The following PDE3A variants were observed in gnomAD, a reference collection of about 807,000 sequenced individuals.
PDE3A encodes cGMP-inhibited 3',5'-cyclic phosphodiesterase 3A.
In PDE3A, 43 loss-of-function variants were observed where a neutral mutation model predicts 98.3. The ratio of observed to expected loss-of-function variants is 0.44; its 90% CI spans 0.34 to 0.56. The LOEUF is 0.56. PDE3A is among the 20% of genes least tolerant of loss of function. PDE3A has a pLI of 0.01. For missense variants in PDE3A, 1,427 were observed against 1,440.7 expected (o/e 0.99, Z 0.15); for synonymous variants, 663 against 567.9 (o/e 1.17, Z -2.38).
chr12:20,450,627 G>A (rs769958829), intron 1 of PDE3A, among the ~76,000 whole-genome samples: 3 of 152,184 alleles, frequency 2.0e-5, no homozygotes, highest in Non-Finnish European at 4.4e-5. Context: ...TTTAACATTT[G>A]AGAGAATGCT....
At chr12:20,426,987 G>T (rs994029337) in intron 1 of PDE3A, among the ~76,000 whole-genome samples, 1 of 152,150 alleles carries the variant, frequency 6.6e-6, no homozygotes, top group South Asian at 2.1e-4. Flanking sequence ...TCTAAGAAAG[G>T]AGCTAAAAGT....
chr12:20,381,026 C>G (rs1401470977), intron 1 of PDE3A, among the ~76,000 whole-genome samples: 1 of 151,698 alleles, frequency 6.6e-6, no homozygotes, highest in African/African-American at 2.4e-5. Flanking sequence ...TTGTTTTTTG[C>G]TAGGTAAGTA....
At chr12:20,445,303 G>A (rs886359517) in intron 1 of PDE3A, among the ~76,000 whole-genome samples, 1 of 152,032 alleles carries the variant, frequency 6.6e-6, no homozygotes, top group African/African-American at 2.4e-5. Context: ...CACATCTTAA[G>A]GGAAATGAAC....
In PDE3A at chr12:20,648,889, A is replaced by G; in HGVS notation, c.2767A>G (p.Lys923Glu). The G allele has an allele frequency of 6.3e-7, 1 of 1,595,960 alleles. No individual in the cohort carries two copies. The highest frequency in any genetic ancestry group is 8.6e-7 in the Non-Finnish European group (1 of 1,163,948). Residue 923 changes from lysine to glutamate, a missense_variant and splice_region_variant, in exon 13 of 16, where the codon AAG becomes GAG. Physicochemically the swap from Lys to Glu is moderately conservative, Grantham distance 56. Transcript: ENST00000359062. ...TGACTTCGTAGCCAAATTTAATGGCAAGGTAAATAGAGCTGTACCCAGTTT... is the reference window on the plus strand; with the variant it reads ...TGACTTCGTAGCCAAATTTAATGGCGAGGTAAATAGAGCTGTACCCAGTTT... ...HFDFVAKFNG[K>E]VNDDVGIDWT... is the part of the protein sequence containing the mutation.
At chr12:20,561,080 G>A (rs1442412279) in intron 2 of PDE3A, among the ~76,000 whole-genome samples, 1 of 128,912 alleles carries the variant, frequency 7.8e-6, no homozygotes, top group Non-Finnish European at 1.6e-5. Context: ...GACCAAGATG[G>A]TGAAACCCCA....
intron 1 of PDE3A, among the ~76,000 whole-genome samples, chr12:20,404,089 CT>C (rs1340348559): frequency 6.6e-6 from 1 of 152,004 alleles, no homozygotes; most frequent in Non-Finnish European, 1.5e-5. Context: ...AAAAAGAATA[CT>C]TTAAAAGAAA....
intron 1 of PDE3A, among the ~76,000 whole-genome samples, chr12:20,434,830 A>T (rs1944754408): frequency 6.6e-6 from 1 of 152,200 alleles, no homozygotes; most frequent in African/African-American, 2.4e-5. Context: ...CATTGGGATC[A>T]TATTTTTTCA....
chr12:20,448,045 C>T (rs911630538), intron 1 of PDE3A, among the ~76,000 whole-genome samples: 6 of 152,154 alleles, frequency 3.9e-5, no homozygotes, highest in South Asian at 4.2e-4. Flanking sequence ...GATTTGTATT[C>T]GGAGAGATTG....
chr12:20,386,070 A>ATATATATAAAATATATAT (rs1287357306), intron 1 of PDE3A, among the ~76,000 whole-genome samples: 1 of 37,146 alleles, frequency 2.7e-5, no homozygotes, highest in Non-Finnish European at 4.7e-5. Flanking sequence ...AAATATATAT[A>ATATATATAAAATATATAT]AAATATATAT....
chr12:20,482,148 G>C (rs1945642076), intron 1 of PDE3A, among the ~76,000 whole-genome samples: 1 of 151,758 alleles, frequency 6.6e-6, no homozygotes, highest in Admixed American at 6.6e-5. Context: ...CTGTTGTTTT[G>C]ACTCGTGTGA....
At chr12:20,428,412 T>G (rs1021584768) in intron 1 of PDE3A, among the ~76,000 whole-genome samples, 4 of 152,060 alleles carry the variant, frequency 2.6e-5, no homozygotes, top group Non-Finnish European at 5.9e-5. Context: ...CCCAAGCAGC[T>G]GCGACTACAG....
intron 1 of PDE3A, among the ~76,000 whole-genome samples, chr12:20,498,143 C>T (rs1945956097): frequency 6.6e-6 from 1 of 152,080 alleles, no homozygotes; most frequent in Non-Finnish European, 1.5e-5. Flanking sequence ...CCACTATAAT[C>T]TCTGTTATGT....
intron 1 of PDE3A, among the ~76,000 whole-genome samples, chr12:20,386,186 T>A (rs1356425002): frequency 2.3e-5 from 2 of 85,726 alleles, no homozygotes; most frequent in East Asian, 3.6e-4. Context: ...TATATATAAA[T>A]ATATATAAAT....
intron 1 of PDE3A, among the ~76,000 whole-genome samples, chr12:20,437,527 C>G (rs1944797956): frequency 6.6e-6 from 1 of 152,076 alleles, no homozygotes; most frequent in Non-Finnish European, 1.5e-5. Context: ...TCTGGGGAGG[C>G]CTCCAGGAGT....
intron 15 of PDE3A, among the ~76,000 whole-genome samples, chr12:20,679,497 T>C (rs534316678): frequency 6.6e-6 from 1 of 152,304 alleles, no homozygotes; most frequent in South Asian, 2.1e-4. Context: ...TTCGCCCGCC[T>C]TGGCCTCCCA....
At chr12:20,480,920 A>G (rs1945611390) in intron 1 of PDE3A, among the ~76,000 whole-genome samples, 1 of 152,218 alleles carries the variant, frequency 6.6e-6, no homozygotes, top group South Asian at 2.1e-4. Flanking sequence ...ACTTGACCTT[A>G]ACCAACTTGC....
chr12:20,620,193 A>G (rs1944099612), intron 4 of PDE3A, among the ~76,000 whole-genome samples: 1 of 152,062 alleles, frequency 6.6e-6, no homozygotes, highest in Non-Finnish European at 1.5e-5. Context: ...CCATGCATCC[A>G]TGAGCCCATA....
chr12:20,632,316 C>T (rs1944399406), intron 6 of PDE3A, among the ~76,000 whole-genome samples: 1 of 152,116 alleles, frequency 6.6e-6, no homozygotes, highest in Non-Finnish European at 1.5e-5. Context: ...ATACGGTCTA[C>T]CTACCTCTTC....
chr12:20,401,978 G>A (rs1214031888), intron 1 of PDE3A, among the ~76,000 whole-genome samples: 3 of 152,102 alleles, frequency 2.0e-5, no homozygotes, highest in African/African-American at 7.2e-5. Context: ...GATAACAATA[G>A]TGTGGAATTT....
Sources: allele counts gnomAD v4.1 joint callset (sites outside exome capture counted in the v4.1 genomes callset), GRCh38; gene constraint gnomAD v4.1.1; transcripts MANE v1.5; gene names NCBI Gene and HGNC (gene_info 2026-07-23, HGNC 2026-07-21).